Variants in CDH13 observed in about 807,000 individuals in gnomAD.
CDH13 encodes cadherin 13.
A neutral mutation model predicts 63.8 loss-of-function variants in CDH13; 24 were observed. The observed-to-expected ratio is 0.38, with a 90% CI of 0.27 to 0.53. The LOEUF (loss-of-function observed/expected upper bound fraction) is 0.53. Ranked by LOEUF, CDH13 falls within the 20% of genes least tolerant of loss-of-function variation. CDH13 has a pLI of 0.85. For synonymous variants in CDH13, 503 were observed against 355.3 expected (o/e 1.42, Z -4.67); for missense variants, 1,049 against 903.1 (o/e 1.16, Z -2.07).
intron 7 of CDH13, among the ~76,000 whole-genome samples, chr16:83,572,381 T>C (rs899126252): frequency 3.3e-5 from 5 of 152,118 alleles, no homozygotes; most frequent in African/African-American, 1.2e-4. Context: ...CCTCAGGTGA[T>C]CTACCCATCT....
At chr16:83,380,721 C>G (rs2091549709) in intron 6 of CDH13, among the ~76,000 whole-genome samples, 2 of 152,180 alleles carry the variant, frequency 1.3e-5, no homozygotes, top group South Asian at 4.1e-4. Context: ...AGTACCCTCC[C>G]TTCCCAAAAT....
At chr16:82,804,666 T>G (rs1324530694) in intron 1 of CDH13, among the ~76,000 whole-genome samples, 3 of 152,124 alleles carry the variant, frequency 2.0e-5, no homozygotes, top group Admixed American at 6.5e-5. Context: ...AACACCACAG[T>G]CAATAATTGG....
At chr16:83,127,196 T>A (rs1446496633) in intron 4 of CDH13, among the ~76,000 whole-genome samples, 1 of 151,914 alleles carries the variant, frequency 6.6e-6, no homozygotes, top group Non-Finnish European at 1.5e-5. Flanking sequence ...AGGATGACAG[T>A]GGTAAAAGTG....
Position 83,264,550 on chromosome 16 carries a change from GTA to G in CDH13, c.636+47055_636+47056del, listed in dbSNP as rs1555521652. Among the ~76,000 whole-genome samples, 8 of 35,746 alleles carry G rather than the reference GTA, an allele frequency of 2.2e-4. 1 individual carries two copies. The highest frequency in any genetic ancestry group is 4.4e-4 in the African/African-American group (6 of 13,734). 23.5% of individuals were successfully genotyped at this position (35,746 alleles called of 152,430 possible). On this transcript the variant is annotated intron_variant, in intron 5 of 13. Coordinates refer to ENST00000567109, the MANE Select transcript of CDH13 (RefSeq NM_001257.5). ...TATGTATATGTGTGTGTATATATAT[GTA>G]TGTGTGTGTGTGTGTATACATATGT...
intron 1 of CDH13, among the ~76,000 whole-genome samples, chr16:82,773,932 C>T (rs1177737300): frequency 6.6e-6 from 1 of 151,930 alleles, no homozygotes; most frequent in African/African-American, 2.4e-5. Context: ...TACAGCCACC[C>T]ACCACCACCC....
At chr16:83,525,902 A>G (rs947204205) in intron 7 of CDH13, among the ~76,000 whole-genome samples, 2 of 152,178 alleles carry the variant, frequency 1.3e-5, no homozygotes, top group Admixed American at 6.5e-5. Context: ...GCCACAAACC[A>G]AGGAACATGG....
chr16:83,540,624 C>T (rs779211448), intron 7 of CDH13, among the ~76,000 whole-genome samples: 9 of 152,328 alleles, frequency 5.9e-5, no homozygotes, highest in Non-Finnish European at 8.8e-5. Flanking sequence ...CTCGTAATGA[C>T]ACTCTCAAGT....
chr16:83,478,933 G>A (rs998880067), intron 6 of CDH13, among the ~76,000 whole-genome samples: 1 of 151,964 alleles, frequency 6.6e-6, no homozygotes, highest in Non-Finnish European at 1.5e-5. Context: ...CAGTCCAAAT[G>A]TAAGCCAGTG....
At chr16:83,608,947 A>T (rs1205046121) in intron 8 of CDH13, among the ~76,000 whole-genome samples, 1 of 152,202 alleles carries the variant, frequency 6.6e-6, no homozygotes, top group Non-Finnish European at 1.5e-5. Context: ...TGTCTATAGA[A>T]ATATAAGAAC....
intron 7 of CDH13, among the ~76,000 whole-genome samples, chr16:83,554,905 C>A (rs1014871402): frequency 2.7e-5 from 4 of 150,288 alleles, no homozygotes; most frequent in Admixed American, 1.4e-4. Context: ...CATTGCAATG[C>A]CCTACTGCTG....
intron 1 of CDH13, among the ~76,000 whole-genome samples, chr16:82,838,694 C>G (rs566342931): frequency 6.6e-6 from 1 of 152,266 alleles, no homozygotes; most frequent in South Asian, 2.1e-4. Context: ...TACTCAAAGT[C>G]ATTGTGGGGA....
chr16:83,149,500 A>G (rs1386672226), intron 4 of CDH13, among the ~76,000 whole-genome samples: 1 of 152,228 alleles, frequency 6.6e-6, no homozygotes, highest in Admixed American at 6.5e-5. Context: ...ATTGAATTCA[A>G]TTCCACAAGT....
At chr16:83,548,326 A>G (rs77522968) in intron 7 of CDH13, among the ~76,000 whole-genome samples, 1 of 152,152 alleles carries the variant, frequency 6.6e-6, no homozygotes, top group African/African-American at 2.4e-5. Context: ...GGTTGTTGCA[A>G]CTGGCTGGGA....
In CDH13 at chr16:83,456,677, A is replaced by AG. The variant is rs202174971; in HGVS notation, c.782-29795dup. Among the ~76,000 whole-genome samples, 1,423 of 152,186 alleles carry AG rather than the reference A, an allele frequency of 9.4e-3. 11 individuals are homozygous for AG. The highest frequency in any genetic ancestry group is 0.032 in the African/African-American group (1,315 of 41,526). The stretch of plus-strand genomic sequence containing the variant: ...ATGTGTTGCATCAGAAAGATACCCT[A>AG]GGGGGCTGGGCGCAGGGTTCATGAC... On this transcript the variant is annotated intron_variant, in intron 6 of 13. Coordinates refer to ENST00000567109, the MANE Select transcript of CDH13 (RefSeq NM_001257.5).
At chr16:83,734,502 T>C (rs1442492994) in intron 10 of CDH13, among the ~76,000 whole-genome samples, 1 of 151,290 alleles carries the variant, frequency 6.6e-6, no homozygotes, top group East Asian at 1.9e-4. Flanking sequence ...AAACACCGCA[T>C]GTTCTCACTC....
chr16:83,539,923 G>T (rs565112524), intron 7 of CDH13, among the ~76,000 whole-genome samples: 3 of 152,146 alleles, frequency 2.0e-5, no homozygotes, highest in African/African-American at 4.8e-5. Flanking sequence ...GAATTTGAGC[G>T]TGATTAATTC....
chr16:83,191,494 T>TATATATATATATATATATATGCAC (rs2038704806), intron 4 of CDH13, among the ~76,000 whole-genome samples: 1 of 69,028 alleles, frequency 1.4e-5, no homozygotes, highest in Non-Finnish European at 2.8e-5. Context: ...TATATGCACA[T>TATATATATATATATATATATGCAC]ATATATATAT....
chr16:83,302,915 C>T (rs1328682820), intron 5 of CDH13, among the ~76,000 whole-genome samples: 1 of 152,162 alleles, frequency 6.6e-6, no homozygotes, highest in Admixed American at 6.5e-5. Context: ...AGAGGAAGGG[C>T]AGACTTCCAG....
chr16:83,510,687 C>T (rs942744266), intron 7 of CDH13, among the ~76,000 whole-genome samples: 4 of 152,162 alleles, frequency 2.6e-5, no homozygotes, highest in African/African-American at 7.2e-5. Flanking sequence ...CAGTGTACCA[C>T]GAGGTCCTTG....
Sources: gnomAD v4.1 joint callset for allele counts (sites outside exome capture counted in the v4.1 genomes callset) on GRCh38, gnomAD v4.1.1 for gene constraint, MANE v1.5 for transcripts, NCBI Gene and HGNC (gene_info 2026-07-23, HGNC 2026-07-21) for gene names.